The following TBC1D8 variants were observed in gnomAD, a reference collection of about 807,000 sequenced individuals.
TBC1D8 encodes the protein BUB2-like protein 1.
A neutral mutation model predicts 118.8 loss-of-function variants in TBC1D8; 65 were observed. The observed-to-expected ratio is 0.55, with a 90% confidence interval of 0.45 to 0.67. TBC1D8 has a LOEUF of 0.67. TBC1D8 is among the 30% of genes least tolerant of loss of function. The probability of loss-of-function intolerance (pLI) is 0.00; values close to 1 mark genes in which losing one functional copy is unlikely to be tolerated. For synonymous variants in TBC1D8, 566 were observed against 595.8 expected, an observed-to-expected ratio of 0.95 and a Z score of 0.73; for missense variants, 1,376 against 1,471.2, an observed-to-expected ratio of 0.94 and a Z score of 1.06.
chr2:101,075,268 C>G (rs957698331), intron 2 of TBC1D8, among the ~76,000 whole-genome samples: 1 of 151,858 alleles, frequency 6.6e-6, no homozygotes, highest in Non-Finnish European at 1.5e-5. Context: ...CGTGGTGGCA[C>G]GCACCTGTAG....
intron 1 of TBC1D8, among the ~76,000 whole-genome samples, chr2:101,125,138 G>A (rs974357881): frequency 2.0e-5 from 3 of 152,030 alleles, no homozygotes; most frequent in East Asian, 1.9e-4. Flanking sequence ...CCACTCCTCC[G>A]GCCAACATCA....
intron 9 of TBC1D8, 76 bp downstream of exon 9, chr2:101,035,942 G>A (rs1354099978): frequency 1.1e-5 from 17 of 1,533,214 alleles, no homozygotes; most frequent in Middle Eastern, 4.5e-4. Context: ...ATAAACACAC[G>A]CGCTGCTCGG....
rs372757533 is a variant in TBC1D8, at chr2:101,022,377, C to T, written c.2665G>A (p.Gly889Arg). Residue 889 changes from glycine (G) to arginine (R), a missense_variant, in exon 16 of 20, where the codon GGG becomes AGG. Coordinates refer to ENST00000409318, the MANE Select transcript of TBC1D8 (RefSeq NM_001330348.2). ...TCGGCGAGGATCTCCGTGTGGGCCC[C>T]GCAGGTCCAGGGCGAGACTAGCTGA... Reference protein sequence around the residue: ...LFQLVSPWTCGAHTEILAERT... With the variant: ...LFQLVSPWTCRAHTEILAERT... The T allele has an allele frequency of 8.5e-5, 137 of 1,613,326 alleles. No homozygotes were observed. The highest frequency in any genetic ancestry group is 1.6e-4 in the Middle Eastern group (1 of 6,072).
intron 2 of TBC1D8, among the ~76,000 whole-genome samples, chr2:101,089,322 A>G (rs1675854009): frequency 6.6e-6 from 1 of 152,238 alleles, no homozygotes; most frequent in African/African-American, 2.4e-5. Flanking sequence ...TATATGCAGA[A>G]AGAAGATTAG....
intron 1 of TBC1D8, among the ~76,000 whole-genome samples, chr2:101,098,088 A>C (rs944517499): frequency 1.3e-5 from 2 of 152,232 alleles, no homozygotes; most frequent in Non-Finnish European, 2.9e-5. Context: ...GTTTTAAAAA[A>C]AGAAAGAACA....
intron 2 of TBC1D8, among the ~76,000 whole-genome samples, chr2:101,083,357 G>A (rs1675386253): frequency 6.6e-6 from 1 of 152,134 alleles, no homozygotes; most frequent in South Asian, 2.1e-4. Context: ...GGAGGACGCA[G>A]GTGACAGGGA....
At chr2:101,129,450 GT>G (rs1025881255) in intron 1 of TBC1D8, among the ~76,000 whole-genome samples, 46 of 152,110 alleles carry the variant, frequency 3.0e-4, no homozygotes, top group Non-Finnish European at 5.9e-4. Flanking sequence ...CCTGACCACA[GT>G]TTTTTTAAAT....
intron 1 of TBC1D8, chr2:101,109,690 T>C: frequency 1.7e-6 from 1 of 598,480 alleles, no homozygotes; most frequent in Non-Finnish European, 2.1e-6. Flanking sequence ...GCAGATGGGA[T>C]GAAGCAGCTG....
At chr2:101,077,526 T>C (rs961855149) in intron 2 of TBC1D8, among the ~76,000 whole-genome samples, 2 of 152,136 alleles carry the variant, frequency 1.3e-5, no homozygotes, top group Non-Finnish European at 2.9e-5. Context: ...GGATTACAGG[T>C]GTGAGCCACC....
At chr2:101,053,216 A>T (rs1228564197) in intron 4 of TBC1D8, among the ~76,000 whole-genome samples, 1 of 152,242 alleles carries the variant, frequency 6.6e-6, no homozygotes, top group Admixed American at 6.5e-5. Flanking sequence ...AAAGGAAAGA[A>T]AGCCAGGTGT....
chr2:101,019,121 A>G, intron 17 of TBC1D8: 1 of 1,539,770 alleles, frequency 6.5e-7, no homozygotes, highest in African/African-American at 1.4e-5. Flanking sequence ...CTTTACAACC[A>G]AGCTCACCGA....
At chr2:101,067,562 A>G (rs1333597015) in intron 2 of TBC1D8, among the ~76,000 whole-genome samples, 1 of 152,246 alleles carries the variant, frequency 6.6e-6, no homozygotes, top group Non-Finnish European at 1.5e-5. Flanking sequence ...GTGCGAAAGC[A>G]TTACGTCTTC....
At chr2:101,042,922 A>T (rs1249080186) in intron 5 of TBC1D8, among the ~76,000 whole-genome samples, 2 of 152,092 alleles carry the variant, frequency 1.3e-5, no homozygotes, top group African/African-American at 4.8e-5. Flanking sequence ...ATAAGACCTC[A>T]CCTCAACCAT....
At position 101,028,399 on chromosome 2, in the gene TBC1D8, T is replaced by A; in HGVS notation, c.2256A>T (p.Pro752=). The change falls in exon 13 of 20, where the codon CCA becomes CCT. Residue 752 remains proline (P), a synonymous_variant. Coordinates refer to ENST00000409318, the MANE Select transcript of TBC1D8 (RefSeq NM_001330348.2). ...CATGGTGGCTGCCAACTGGGGGCCC[T>A]GGGCTGTCCTCATTCTTAATGTGAT... is the stretch of plus-strand genomic sequence containing the variant. The part of the protein sequence containing the change: ...FLDHIKNEDS[P]GPPVGSHHAF... 1 of 1,602,678 alleles carries A rather than the reference T, an allele frequency of 6.2e-7. No individual in the cohort carries two copies. Among genetic ancestry groups the A allele is most frequent in the East Asian group, 2.2e-5 (1 of 44,814 alleles).
chr2:101,071,929 A>T (rs1674471057), intron 2 of TBC1D8, among the ~76,000 whole-genome samples: 1 of 152,246 alleles, frequency 6.6e-6, no homozygotes, highest in Non-Finnish European at 1.5e-5. Flanking sequence ...ATCACAATTC[A>T]TCTATGCAAC....
At chr2:101,031,882 C>T (rs1680692236) in intron 11 of TBC1D8, among the ~76,000 whole-genome samples, 1 of 152,162 alleles carries the variant, frequency 6.6e-6, no homozygotes, top group African/African-American at 2.4e-5. Context: ...AGGCATCCCC[C>T]CAGGCCCCCA....
intron 1 of TBC1D8, among the ~76,000 whole-genome samples, chr2:101,139,337 AC>A (rs1246501753): frequency 6.8e-6 from 1 of 147,448 alleles, no homozygotes; most frequent in African/African-American, 2.5e-5. Flanking sequence ...AAAAAAAAAA[AC>A]ACCACCACAT....
chr2:101,059,666 C>T (rs972511737), intron 2 of TBC1D8, 127 bp from the exon 3 acceptor site: 43 of 768,340 alleles, frequency 5.6e-5, no homozygotes, highest in Middle Eastern at 7.4e-4. Flanking sequence ...CTTGGCCAGG[C>T]GCAGTGGCTC....
intron 1 of TBC1D8, among the ~76,000 whole-genome samples, chr2:101,116,927 C>CA (rs1359403112): frequency 7.2e-5 from 11 of 152,114 alleles, no homozygotes; most frequent in African/African-American, 2.7e-4. Flanking sequence ...AGGTGTGCAC[C>CA]ACCATGCCCA....
Sources: allele counts gnomAD v4.1 joint callset (sites outside exome capture counted in the v4.1 genomes callset), GRCh38; gene constraint gnomAD v4.1.1; transcripts MANE v1.5; gene names NCBI Gene and HGNC (gene_info 2026-07-23, HGNC 2026-07-21).